ADGRB3: variants seen among roughly 807,000 people sequenced by gnomAD.
ADGRB3 encodes the protein brain-specific angiogenesis inhibitor 3.
ADGRB3 carries 37 observed loss-of-function variants against 193.4 expected under a neutral mutation model. The ratio of observed to expected loss-of-function variants is 0.19; its 90% CI spans 0.15 to 0.25. The LOEUF (loss-of-function observed/expected upper bound fraction) is 0.25. Ranked by LOEUF, ADGRB3 falls within the 10% of genes least tolerant of loss-of-function variation. The probability of loss-of-function intolerance (pLI) is 1.00; values close to 1 mark genes in which losing one functional copy is unlikely to be tolerated. For missense variants in ADGRB3, 1,637 were observed against 1,852.9 expected (o/e 0.88, Z 2.14); for synonymous variants, 690 against 644.2 (o/e 1.07, Z -1.08).
intron 15 of ADGRB3, among the ~76,000 whole-genome samples, chr6:69,053,804 G>A (rs558239989): frequency 3.3e-5 from 5 of 152,270 alleles, no homozygotes; most frequent in African/African-American, 1.2e-4. Context: ...CCTTAAAAGT[G>A]CTTTGTCATT....
Position 68,870,512 on chromosome 6 carries a change from T to C in ADGRB3, c.758-60047T>C, listed in dbSNP as rs149621425. Among the ~76,000 whole-genome samples the C allele has an allele frequency of 8.1e-4, 123 of 152,336 alleles. 1 individual carries two copies. The highest frequency in any genetic ancestry group is 2.5e-3 in the African/African-American group (104 of 41,588). ...TATCTCAGACCGTTTGCTAAATTTATTTACTACCCTCATAGCATCCAAAGA... is the reference window on the plus strand; with the variant it reads ...TATCTCAGACCGTTTGCTAAATTTACTTACTACCCTCATAGCATCCAAAGA... On this transcript the variant is annotated intron_variant, in intron 3 of 31. Coordinates refer to ENST00000370598, the MANE Select transcript of ADGRB3 (RefSeq NM_001704.3).
At chr6:69,083,437 T>C (rs1477327454) in intron 17 of ADGRB3, among the ~76,000 whole-genome samples, 1 of 152,182 alleles carries the variant, frequency 6.6e-6, no homozygotes, top group Admixed American at 6.5e-5. Flanking sequence ...GTTCTGCTGT[T>C]TAAGGTGTCT....
intron 17 of ADGRB3, among the ~76,000 whole-genome samples, chr6:69,150,175 T>C (rs533739072): frequency 6.6e-6 from 1 of 152,288 alleles, no homozygotes; most frequent in Admixed American, 6.5e-5. Context: ...CAGTCATGTT[T>C]GTATCTTTCC....
At position 68,635,546 on chromosome 6, in the gene ADGRB3, C is replaced by G. The variant is rs539751428; in HGVS notation, c.-642C>G. ...TAATAAACCCACCGCCCCAACAAAT[C>G]TGCCATAGCAGCCGCCGCCGCCGCC... On this transcript the variant is annotated 5_prime_UTR_variant, in exon 1 of 32. The change creates a new upstream start codon in the 5' untranslated region. Transcript: ENST00000370598. 1 of 154,000 alleles carries G rather than the reference C, an allele frequency of 6.5e-6. No individual in the cohort carries two copies. Among genetic ancestry groups the G allele is most frequent in the East Asian group, 1.9e-4 (1 of 5,178 alleles). The allele number at this position is 154,000 out of a possible 1,614,324, so 9.5% of individuals were successfully genotyped here.
chr6:69,248,477 T>C (rs2127265509), intron 20 of ADGRB3, among the ~76,000 whole-genome samples: 1 of 152,342 alleles, frequency 6.6e-6, no homozygotes, highest in East Asian at 1.9e-4. Context: ...TCACTAAAGA[T>C]CTGTTGACCA....
chr6:69,224,738 C>T (rs537871837), intron 17 of ADGRB3, among the ~76,000 whole-genome samples: 2 of 152,080 alleles, frequency 1.3e-5, no homozygotes, highest in South Asian at 4.1e-4. Flanking sequence ...TTCAAATTTC[C>T]ATTTCTATTC....
Position 68,903,760 on chromosome 6 carries a change from G to A in ADGRB3, c.758-26799G>A, listed in dbSNP as rs763142814. ...CAGTGGTCATGCCTGAAATCCCATC[G>A]CTTTGAGTGGGAAGCCGAGGTGAGA... On this transcript the variant is annotated intron_variant, in intron 3 of 31. Coordinates refer to ENST00000370598, the MANE Select transcript of ADGRB3 (RefSeq NM_001704.3). 8.6e-5 allele frequency among the ~76,000 whole-genome samples: 13 copies of A among 151,850 alleles called. No homozygotes were observed. In the South Asian group the frequency reaches 1.2e-3, roughly 15 times the overall value.
At chr6:69,197,071 G>T (rs1006024592) in intron 17 of ADGRB3, among the ~76,000 whole-genome samples, 5 of 151,874 alleles carry the variant, frequency 3.3e-5, no homozygotes, top group African/African-American at 1.2e-4. Flanking sequence ...TATATGTGTG[G>T]GTGTCTATGT....
chr6:68,749,970 C>T (rs970162952), intron 3 of ADGRB3, among the ~76,000 whole-genome samples: 91 of 152,044 alleles, frequency 6.0e-4, no homozygotes, highest in Non-Finnish European at 2.4e-4. Context: ...AGGTAACCCA[C>T]GTGTAACCTC....
intron 3 of ADGRB3, among the ~76,000 whole-genome samples, chr6:68,729,850 AC>A (rs1765739729): frequency 6.6e-6 from 1 of 151,664 alleles, no homozygotes; most frequent in Admixed American, 6.6e-5. Flanking sequence ...TGTAGATCCT[AC>A]TTCTGGACAC....
intron 3 of ADGRB3, among the ~76,000 whole-genome samples, chr6:68,678,204 C>CAAAT (rs1764802653): frequency 6.6e-6 from 1 of 151,970 alleles, no homozygotes; most frequent in African/African-American, 2.4e-5. Flanking sequence ...GACTCTGTCT[C>CAAAT]AAATAAATAA....
intron 26 of ADGRB3, among the ~76,000 whole-genome samples, chr6:69,342,781 C>T (rs1769002500): frequency 6.6e-6 from 1 of 151,930 alleles, no homozygotes; most frequent in Non-Finnish European, 1.5e-5. Context: ...TAATTGGATC[C>T]TAGAAATACA....
chr6:69,138,424 G>T (rs992748760), intron 17 of ADGRB3, among the ~76,000 whole-genome samples: 1 of 152,168 alleles, frequency 6.6e-6, no homozygotes, highest in Non-Finnish European at 1.5e-5. Flanking sequence ...ATCATAACAG[G>T]TTACTGATAA....
chr6:68,775,068 A>T (rs1161368891), intron 3 of ADGRB3, among the ~76,000 whole-genome samples: 1 of 151,584 alleles, frequency 6.6e-6, no homozygotes, highest in Non-Finnish European at 1.5e-5. Context: ...TAGAGTGAAG[A>T]TAAGAAGAAC....
chr6:69,093,367 AG>A (rs1440668479), intron 17 of ADGRB3, among the ~76,000 whole-genome samples: 2 of 150,860 alleles, frequency 1.3e-5, no homozygotes, highest in African/African-American at 4.9e-5. Context: ...GAGGGGAGGT[AG>A]TGGGCATCTT....
intron 3 of ADGRB3, among the ~76,000 whole-genome samples, chr6:68,913,325 C>T (rs1008435420): frequency 3.3e-5 from 5 of 152,134 alleles, no homozygotes; most frequent in East Asian, 1.9e-4. Context: ...CTCACACGGC[C>T]GGGTACTCCT....
intron 26 of ADGRB3, among the ~76,000 whole-genome samples, chr6:69,344,219 G>A (rs1769037368): frequency 6.6e-6 from 1 of 152,168 alleles, no homozygotes; most frequent in African/African-American, 2.4e-5. Context: ...TGAGAATCCT[G>A]TGGCTGTTCT....
chr6:69,002,104 T>G (rs1008249952), intron 11 of ADGRB3, among the ~76,000 whole-genome samples: 1 of 152,194 alleles, frequency 6.6e-6, no homozygotes, highest in Non-Finnish European at 1.5e-5. Flanking sequence ...CTAACCTTAG[T>G]TTTCTGATTT....
intron 10 of ADGRB3, among the ~76,000 whole-genome samples, chr6:68,986,615 A>G (rs917955514): frequency 6.6e-6 from 1 of 152,168 alleles, no homozygotes; most frequent in Non-Finnish European, 1.5e-5. Flanking sequence ...CCATTGTCCA[A>G]TGAGTGACTT....
Sources: gnomAD v4.1 joint callset for allele counts (sites outside exome capture counted in the v4.1 genomes callset) on GRCh38, gnomAD v4.1.1 for gene constraint, MANE v1.5 for transcripts, NCBI Gene and HGNC (gene_info 2026-07-23, HGNC 2026-07-21) for gene names.